Variants in COMT observed in about 807,000 individuals in gnomAD.
COMT encodes the protein catechol-O-methyltransferase.
In COMT, 13 loss-of-function variants were observed where a neutral mutation model predicts 18.9. The observed-to-expected ratio is 0.69, with a 90% CI of 0.45 to 1.09. COMT has a LOEUF of 1.09. Ranked by LOEUF, COMT falls within the 50% of genes least tolerant of loss-of-function variation. The pLI, the probability that COMT is intolerant of heterozygous loss-of-function variation, is 0.00. For synonymous variants in COMT, 150 were observed against 160.9 expected (o/e 0.93, Z 0.51); for missense variants, 329 against 361.8 (o/e 0.91, Z 0.73).
At chr22:19,964,559 T>C (rs1026178385) in intron 5 of COMT, 2 of 630,956 alleles carry the variant, frequency 3.2e-6, no homozygotes, top group Non-Finnish European at 5.7e-6. Flanking sequence ...AGGTGCAAAA[T>C]GGGTGGCAGA....
rs566389623 is a variant in COMT, at chr22:19,966,109, C to T, written c.615+1810C>T. Among the ~76,000 whole-genome samples, 5 of 152,328 alleles carry T rather than the reference C, an allele frequency of 3.3e-5. No homozygotes were observed. In the East Asian group the frequency reaches 5.8e-4, roughly 18 times the overall value. ...CTAATAGTTTTCTCAGTGCTGCTTGCGCAAAGCTGGTAATTATCTCAAAAG... is the reference window on the plus strand; with the variant it reads ...CTAATAGTTTTCTCAGTGCTGCTTGTGCAAAGCTGGTAATTATCTCAAAAG... On this transcript the variant is annotated intron_variant, in intron 5 of 5. Transcript: ENST00000361682.
At chr22:19,965,866 G>C (rs1942364012) in intron 5 of COMT, among the ~76,000 whole-genome samples, 1 of 152,176 alleles carries the variant, frequency 6.6e-6, no homozygotes, top group African/African-American at 2.4e-5. Flanking sequence ...GTAGCTGGAG[G>C]GGGGCTCACC....
intron 1 of COMT, among the ~76,000 whole-genome samples, chr22:19,942,822 G>A (rs865791915): frequency 1.3e-5 from 2 of 152,226 alleles, no homozygotes; most frequent in South Asian, 4.1e-4. Flanking sequence ...TGGGGACTCA[G>A]TAGAGTTAGG....
chr22:19,959,791 C>G (rs1343061821), intron 1 of COMT, among the ~76,000 whole-genome samples: 1 of 138,128 alleles, frequency 7.2e-6, no homozygotes, highest in Non-Finnish European at 1.6e-5. Flanking sequence ...GCCTTGAGCA[C>G]TTCCCCATCC....
chr22:19,960,280 A>C (rs1260867003), intron 1 of COMT, among the ~76,000 whole-genome samples: 1 of 152,228 alleles, frequency 6.6e-6, no homozygotes, highest in Non-Finnish European at 1.5e-5. Context: ...GAGTAAACAA[A>C]ATGGCCCATT....
chr22:19,965,264 C>A (rs1018385782), intron 5 of COMT: 1 of 152,316 alleles, frequency 6.6e-6, no homozygotes, highest in African/African-American at 2.4e-5. Context: ...GTAACCCTTG[C>A]ACTTTGGGAG....
chr22:19,960,736 G>C (rs35617967), intron 1 of COMT, among the ~76,000 whole-genome samples: 1 of 152,260 alleles, frequency 6.6e-6, no homozygotes, highest in Non-Finnish European at 1.5e-5. Flanking sequence ...GCCTTTTCCT[G>C]TGAGCTGCAT....
chr22:19,963,659 G>T lies in COMT; in HGVS notation c.383G>T (p.Arg128Leu). Residue 128 changes from arginine (R) to leucine (L), a missense_variant, in exon 4 of 6, where the codon CGC becomes CTC. Transcript: ENST00000361682. ...GGCTACTCAGCTGTGCGCATGGCCC[G>T]CCTGCTGTCACCAGGGGCGAGGCTC... is the stretch of plus-strand genomic sequence containing the variant. ...YCGYSAVRMA[R>L]LLSPGARLIT... The T allele has an allele frequency of 6.2e-7, 1 of 1,612,904 alleles. No homozygotes were observed.
At chr22:19,952,459 G>A (rs1011815014) in intron 1 of COMT, among the ~76,000 whole-genome samples, 2 of 152,214 alleles carry the variant, frequency 1.3e-5, no homozygotes, top group East Asian at 3.9e-4. Context: ...CTAACATGGT[G>A]AAACCCCGTC....
intron 5 of COMT, chr22:19,964,857 A>G (rs895090340): frequency 2.9e-5 from 8 of 272,060 alleles, no homozygotes; most frequent in African/African-American, 1.5e-4. Flanking sequence ...GGCCCTTCAC[A>G]GACTGATGCT....
At chr22:19,963,202 A>C in intron 3 of COMT, 2 of 476,596 alleles carry the variant, frequency 4.2e-6, no homozygotes, top group Non-Finnish European at 3.8e-6. Context: ...GACTCAGGGA[A>C]CTAGTGCCGC....
At chr22:19,955,798 C>T (rs1344030285) in intron 1 of COMT, among the ~76,000 whole-genome samples, 1 of 152,204 alleles carries the variant, frequency 6.6e-6, no homozygotes, top group Non-Finnish European at 1.5e-5. Flanking sequence ...GAACAGTGTG[C>T]CCCAAATGGC....
chr22:19,964,646 C>A, intron 5 of COMT: 1 of 590,314 alleles, frequency 1.7e-6, no homozygotes, highest in Non-Finnish European at 3.0e-6. Context: ...GGAAGGGCCG[C>A]TCTGGGCCCA....
intron 2 of COMT, among the ~76,000 whole-genome samples, chr22:19,961,525 C>T (rs1189166874): frequency 6.6e-6 from 1 of 152,170 alleles, no homozygotes; most frequent in African/African-American, 2.4e-5. Flanking sequence ...AGGGGTGTCC[C>T]CTCTGTGGCC....
At chr22:19,967,899 G>A (rs1373546655) in intron 5 of COMT, among the ~76,000 whole-genome samples, 1 of 152,236 alleles carries the variant, frequency 6.6e-6, no homozygotes, top group Non-Finnish European at 1.5e-5. Context: ...TGGACCCCAC[G>A]GGCCATGCCC....
chr22:19,966,776 G>A (rs925574565), intron 5 of COMT, among the ~76,000 whole-genome samples: 1 of 148,488 alleles, frequency 6.7e-6, no homozygotes. Flanking sequence ...ACAGTCTCTC[G>A]CTCTGTCGCC....
chr22:19,964,700 A>G (rs1942297240), intron 5 of COMT: 1 of 544,164 alleles, frequency 1.8e-6, no homozygotes, highest in African/African-American at 1.9e-5. Context: ...CAAAGAAAGC[A>G]TGTGTCTCCT....
At position 19,952,737 on chromosome 22, in the gene COMT, G is replaced by T. The variant is rs572441115; in HGVS notation, c.-91-8462G>T. ...GGAGGCCGAGGTGGGCAGATCACAA[G>T]GTCAGGAGTTCAAGACCAGCCTGAC... On this transcript the variant is annotated intron_variant, in intron 1 of 5. Transcript: ENST00000361682. 5.3e-5 allele frequency among the ~76,000 whole-genome samples: 8 copies of T among 151,934 alleles called. 1 individual carries two copies. In the East Asian group the frequency reaches 1.6e-3, roughly 29 times the overall value.
At chr22:19,955,650 C>T (rs1481553690) in intron 1 of COMT, among the ~76,000 whole-genome samples, 4 of 152,256 alleles carry the variant, frequency 2.6e-5, no homozygotes, top group African/African-American at 7.2e-5. Flanking sequence ...TCCTGTTTGT[C>T]ATCACGCCTG....
Sources: allele counts gnomAD v4.1 joint callset (sites outside exome capture counted in the v4.1 genomes callset), GRCh38; gene constraint gnomAD v4.1.1; transcripts MANE v1.5; gene names NCBI Gene and HGNC (gene_info 2026-07-23, HGNC 2026-07-21).